Variants in LOXHD1 observed in about 807,000 individuals in gnomAD.
LOXHD1 encodes the protein lipoxygenase homology domain-containing protein 1.
Under a neutral mutation model 248.2 loss-of-function variants are expected in LOXHD1, and 205 were observed. That is an observed-to-expected ratio of 0.83 (90% CI 0.74 to 0.93). The LOEUF (loss-of-function observed/expected upper bound fraction) is 0.93. Ranked by LOEUF, LOXHD1 falls within the 40% of genes least tolerant of loss-of-function variation. The pLI is 0.00. For missense variants in LOXHD1, 2,930 were observed against 2,971.6 expected (o/e 0.99, Z 0.33); for synonymous variants, 1,113 against 1,162.8 (o/e 0.96, Z 0.87).
intron 4 of LOXHD1, among the ~76,000 whole-genome samples, chr18:46,628,373 T>TC (rs1309390093): frequency 6.6e-6 from 1 of 152,100 alleles, no homozygotes; most frequent in Non-Finnish European, 1.5e-5. Context: ...GGCCCAGCCC[T>TC]CCCTACCCTG....
chr18:46,590,834 G>T (rs535293835), intron 12 of LOXHD1, among the ~76,000 whole-genome samples: 15 of 152,026 alleles, frequency 9.9e-5, no homozygotes, highest in Admixed American at 8.5e-4. Context: ...TCTGCATCAG[G>T]CTATTTTAAG....
chr18:46,571,618 T>C (rs980036950), intron 15 of LOXHD1, among the ~76,000 whole-genome samples: 3 of 152,206 alleles, frequency 2.0e-5, no homozygotes, highest in Non-Finnish European at 4.4e-5. Context: ...ACATGAGGTG[T>C]TGGTAATGTC....
chr18:46,555,019 G>A (rs1395045718), intron 21 of LOXHD1: 6 of 370,640 alleles, frequency 1.6e-5, no homozygotes, highest in South Asian at 8.5e-5. Flanking sequence ...GAATAATGAA[G>A]GGGGACAAGT....
At chr18:46,617,482 T>C (rs1345700112) in intron 5 of LOXHD1, among the ~76,000 whole-genome samples, 1 of 152,172 alleles carries the variant, frequency 6.6e-6, no homozygotes, top group Non-Finnish European at 1.5e-5. Context: ...TATTCATAGT[T>C]AACACTTTGG....
At chr18:46,633,460 CAA>C (rs1195257913) in intron 4 of LOXHD1, among the ~76,000 whole-genome samples, 1 of 152,150 alleles carries the variant, frequency 6.6e-6, no homozygotes, top group Non-Finnish European at 1.5e-5. Flanking sequence ...ATATCATCTG[CAA>C]AATTTCACTC....
At chr18:46,611,063 C>G in intron 5 of LOXHD1, 139 bp from the exon 6 acceptor site, 1 of 969,076 alleles carries the variant, frequency 1.0e-6, no homozygotes, top group Non-Finnish European at 1.5e-6. Flanking sequence ...GGGCTCCTTA[C>G]ATCCCTCCAG....
At position 46,560,491 on chromosome 18, in the gene LOXHD1, C is replaced by T. The variant is rs1475766817; in HGVS notation, c.2653G>A (p.Glu885Lys). Residue 885 changes from glutamate to lysine, a missense_variant, in exon 19 of 41, where the codon GAG becomes AAG. Coordinates refer to ENST00000642948, the MANE Select transcript of LOXHD1 (RefSeq NM_001384474.1). The part of the protein sequence containing the change: ...VYKLRLGHTG[E>K]GFGPSWFVDT... ...ACGAACCAGCTGGGCCCAAAGCCCT[C>T]GCCCGTGTGCCCGAGCCGGAGCTTA... The T allele has an allele frequency of 2.6e-6, 4 of 1,538,360 alleles. No individual in the cohort carries two copies. The South Asian group carries it at 3.6e-5, about 14-fold the overall frequency.
intron 3 of LOXHD1, among the ~76,000 whole-genome samples, chr18:46,640,886 C>T (rs1016724768): frequency 6.6e-6 from 1 of 152,130 alleles, no homozygotes; most frequent in African/African-American, 2.4e-5. Context: ...AACATCTTAC[C>T]CCTGTGAGGC....
intron 26 of LOXHD1, among the ~76,000 whole-genome samples, chr18:46,537,468 G>T (rs2036362280): frequency 1.3e-5 from 2 of 152,228 alleles, no homozygotes; most frequent in East Asian, 1.9e-4. Context: ...GGAGGACTGG[G>T]GTCCCCAACT....
Position 46,545,361 on chromosome 18 carries a change from T to A in LOXHD1, c.3575A>T (p.Asp1192Val). The stretch of plus-strand genomic sequence containing the variant: ...AAAGAGTGTGATGAAGACATTAGCA[T>A]CTGTGCCCGCATTCTTCTTAACCCC... ...KTGVKKNAGTDANVFITLFGT... is the reference protein window; with the variant it reads ...KTGVKKNAGTVANVFITLFGT... The change falls in exon 23 of 41, where the codon GAT (aspartate) becomes GTT (valine). Residue 1192 changes from aspartate to valine, a missense_variant. Coordinates refer to ENST00000642948, the MANE Select transcript of LOXHD1 (RefSeq NM_001384474.1). 2 of 1,552,026 alleles carry A rather than the reference T, an allele frequency of 1.3e-6. No individual in the cohort carries two copies. The highest frequency in any genetic ancestry group is 1.7e-6 in the Non-Finnish European group (2 of 1,147,042).
At chr18:46,562,219 G>A (rs76341471) in intron 18 of LOXHD1, among the ~76,000 whole-genome samples, 2,112 of 152,322 alleles carry the variant, frequency 0.014, 19 homozygotes, top group Middle Eastern at 0.02. Flanking sequence ...TGATGTTCCA[G>A]ACACTTATGA....
At position 46,498,651 on chromosome 18, in the gene LOXHD1, C is replaced by T. The variant is rs1490110367; in HGVS notation, c.5878+7187G>A. The stretch of plus-strand genomic sequence containing the variant: ...CAATCTCTACCTCCATCTTCACATG[C>T]TCTTGTTTCAGCATCTTTCCATGTT... On this transcript the variant is annotated intron_variant, in intron 37 of 40. Transcript: ENST00000642948. Among the ~76,000 whole-genome samples, 4 of 152,180 alleles carry T rather than the reference C, an allele frequency of 2.6e-5. No individual in the cohort carries two copies. In the East Asian group the frequency reaches 5.8e-4, roughly 22 times the overall value.
At chr18:46,493,806 G>T (rs1040561369) in intron 37 of LOXHD1, among the ~76,000 whole-genome samples, 1 of 152,164 alleles carries the variant, frequency 6.6e-6, no homozygotes, top group Non-Finnish European at 1.5e-5. Flanking sequence ...CTCTGCCTGC[G>T]GTTCCCCAGT....
At chr18:46,617,137 G>A (rs2038598503) in intron 5 of LOXHD1, among the ~76,000 whole-genome samples, 1 of 152,182 alleles carries the variant, frequency 6.6e-6, no homozygotes, top group South Asian at 2.1e-4. Flanking sequence ...TTGAGGGAGA[G>A]GGGGTCCCAA....
In LOXHD1 at chr18:46,555,848, T is replaced by C. The variant is rs370323277; in HGVS notation, c.3350+1508A>G. ...TTATGGGGCTGTGGCTTCACCTCCC[T>C]GGGGTGTGGACCTATGGGAAGACAT... On this transcript the variant is annotated intron_variant, in intron 21 of 40. Transcript: ENST00000642948. 3.7e-3 allele frequency among the ~76,000 whole-genome samples: 563 copies of C among 152,186 alleles called. 4 individuals are homozygous for C. The highest frequency in any genetic ancestry group is 0.013 in the African/African-American group (527 of 41,530).
Position 46,505,850 on chromosome 18 carries a change from G to C in LOXHD1, c.5866C>G (p.His1956Asp). The change falls in exon 37 of 41, where the codon CAC becomes GAC. Residue 1956 changes from histidine to aspartate, a missense_variant. Physicochemically the swap from His to Asp is moderately conservative, Grantham distance 81. Coordinates refer to ENST00000642948, the MANE Select transcript of LOXHD1 (RefSeq NM_001384474.1). ...GAGTGGGAGCTACCTTTGTTGTCGTGCCAGACCCTCAGCTTGCAGAGGTGG... is the reference window on the plus strand; with the variant it reads ...GAGTGGGAGCTACCTTTGTTGTCGTCCCAGACCCTCAGCTTGCAGAGGTGG... ...LGHLCKLRVW[H>D]DNKGIFPGWH... is the part of the protein sequence containing the mutation. 6.4e-7 allele frequency: 1 copy of C among 1,551,694 alleles called. No homozygotes were observed. Among genetic ancestry groups the C allele is most frequent in the Non-Finnish European group, 8.7e-7 (1 of 1,146,992 alleles).
At chr18:46,614,698 C>T (rs1240566429) in intron 5 of LOXHD1, among the ~76,000 whole-genome samples, 2 of 150,158 alleles carry the variant, frequency 1.3e-5, no homozygotes, top group Non-Finnish European at 3.0e-5. Flanking sequence ...TGCACATGTA[C>T]CCTAGTACTT....
intron 34 of LOXHD1, among the ~76,000 whole-genome samples, 154 bp downstream of exon 34, chr18:46,517,975 G>C (rs1212620594): frequency 6.6e-6 from 1 of 152,188 alleles, no homozygotes; most frequent in Non-Finnish European, 1.5e-5. Context: ...CCTTGAAAGA[G>C]AAAGGTACTG....
chr18:46,555,428 A>C, intron 21 of LOXHD1: 5 of 213,964 alleles, frequency 2.3e-5, no homozygotes, highest in East Asian at 1.2e-4. Context: ...CTCACAGAAA[A>C]CCATGACAAT....
Sources: allele counts gnomAD v4.1 joint callset (sites outside exome capture counted in the v4.1 genomes callset), GRCh38; gene constraint gnomAD v4.1.1; transcripts MANE v1.5; gene names NCBI Gene and HGNC (gene_info 2026-07-23, HGNC 2026-07-21).